Variants in MACROD2 observed in about 807,000 individuals in gnomAD.
MACROD2 encodes mono-ADP ribosylhydrolase 2, also known as ADP-ribose glycohydrolase MACROD2.
A neutral mutation model predicts 70.4 loss-of-function variants in MACROD2; 36 were observed. That is an observed-to-expected ratio of 0.51 (90% CI 0.39 to 0.68). The LOEUF (loss-of-function observed/expected upper bound fraction) is 0.68. Among genes scored for constraint, MACROD2 ranks in the 30% least tolerant of loss-of-function variants. The pLI is 0.00. For missense variants in MACROD2, 496 were observed against 538.4 expected (o/e 0.92, Z 0.78); for synonymous variants, 172 against 178.8 (o/e 0.96, Z 0.30).
chr20:14,554,565 TG>T (rs1408367921), intron 4 of MACROD2: 1 of 152,140 alleles, frequency 6.6e-6, no homozygotes, highest in African/African-American at 2.4e-5. Flanking sequence ...GACAGTAGTT[TG>T]GTCTTCAGGA....
At chr20:14,585,444 C>T (rs1981311506) in intron 4 of MACROD2, among the ~76,000 whole-genome samples, 1 of 151,958 alleles carries the variant, frequency 6.6e-6, no homozygotes, top group South Asian at 2.1e-4. Flanking sequence ...CTGAGGATAG[C>T]ATAAGAGGAA....
At chr20:16,024,647 A>G (rs1219081044) in intron 15 of MACROD2, among the ~76,000 whole-genome samples, 1 of 152,184 alleles carries the variant, frequency 6.6e-6, no homozygotes, top group African/African-American at 2.4e-5. Context: ...CAAATGATCA[A>G]TATTCTATTG....
At chr20:15,031,094 C>T (rs1334944270) in intron 5 of MACROD2, among the ~76,000 whole-genome samples, 1 of 152,190 alleles carries the variant, frequency 6.6e-6, no homozygotes, top group African/African-American at 2.4e-5. Flanking sequence ...TGTGGTGGGG[C>T]GGGCAGCACC....
chr20:15,814,459 A>G (rs2063852399), intron 8 of MACROD2, among the ~76,000 whole-genome samples: 1 of 152,158 alleles, frequency 6.6e-6, no homozygotes, highest in Non-Finnish European at 1.5e-5. Flanking sequence ...CTGTAGCAGT[A>G]AGCTCCAGTG....
intron 5 of MACROD2, among the ~76,000 whole-genome samples, chr20:14,957,968 T>A (rs2074551841): frequency 6.6e-6 from 1 of 152,156 alleles, no homozygotes; most frequent in African/African-American, 2.4e-5. Context: ...TTCTATTAGG[T>A]TGGTGCAAAA....
intron 3 of MACROD2, among the ~76,000 whole-genome samples, chr20:14,232,797 A>C (rs1300536032): frequency 1.3e-5 from 2 of 152,230 alleles, no homozygotes; most frequent in African/African-American, 4.8e-5. Flanking sequence ...TCCTTCAAGA[A>C]ATTTTCCTTT....
At chr20:15,485,697 G>T (rs139460482) in intron 7 of MACROD2, among the ~76,000 whole-genome samples, 2 of 152,002 alleles carry the variant, frequency 1.3e-5, no homozygotes, top group African/African-American at 4.8e-5. Flanking sequence ...CCTGTCATTC[G>T]TCAAACACTT....
At chr20:15,984,107 T>C (rs1391484689) in intron 13 of MACROD2, among the ~76,000 whole-genome samples, 2 of 134,188 alleles carry the variant, frequency 1.5e-5, no homozygotes, top group Non-Finnish European at 3.5e-5. Context: ...AAGGTAAGAT[T>C]TTATAGACTT....
At chr20:15,588,930 C>T (rs187857598) in intron 8 of MACROD2, among the ~76,000 whole-genome samples, 103 of 152,328 alleles carry the variant, frequency 6.8e-4, no homozygotes, top group Middle Eastern at 3.4e-3. Context: ...GTCGCTTCCA[C>T]ATTTTCAGTT....
intron 6 of MACROD2, among the ~76,000 whole-genome samples, chr20:15,343,069 C>T (rs2078127367): frequency 6.6e-6 from 1 of 152,146 alleles, no homozygotes; most frequent in Admixed American, 6.5e-5. Flanking sequence ...AGCCCAGATG[C>T]ACCTAGGAAT....
At chr20:15,385,087 G>A (rs1198506481) in intron 6 of MACROD2, among the ~76,000 whole-genome samples, 6 of 152,154 alleles carry the variant, frequency 3.9e-5, no homozygotes, top group South Asian at 2.1e-4. Context: ...CTTGAGAGTC[G>A]TATCTGAGGT....
intron 3 of MACROD2, among the ~76,000 whole-genome samples, chr20:14,200,054 A>G (rs549233487): frequency 6.6e-6 from 1 of 152,344 alleles, no homozygotes; most frequent in Non-Finnish European, 1.5e-5. Flanking sequence ...GCAGAAATTG[A>G]GAATTGAATT....
chr20:14,499,647 T>C (rs1180097604), intron 4 of MACROD2, among the ~76,000 whole-genome samples: 1 of 152,058 alleles, frequency 6.6e-6, no homozygotes, highest in Non-Finnish European at 1.5e-5. Context: ...GGAAGGTGGT[T>C]AGGGACCAGG....
At position 14,124,769 on chromosome 20, in the gene MACROD2, C is replaced by T. The variant is rs550487985; in HGVS notation, c.271+39041C>T. Among the ~76,000 whole-genome samples the T allele has an allele frequency of 8.4e-4, 128 of 152,130 alleles. 1 individual carries two copies. Among genetic ancestry groups the T allele is most frequent in the South Asian group, 1.7e-3 (8 of 4,812 alleles). ...TCAAAAAGTTAAATATAAACTTAAC[C>T]GTGGAATGACCCAGCCATTCCACTC... is the stretch of plus-strand genomic sequence containing the variant. On this transcript the variant is annotated intron_variant, in intron 3 of 17. Transcript: ENST00000684519.
chr20:15,934,107 A>C (rs2065621496), intron 11 of MACROD2, among the ~76,000 whole-genome samples: 1 of 152,194 alleles, frequency 6.6e-6, no homozygotes, highest in Non-Finnish European at 1.5e-5. Context: ...CAAAAAAATA[A>C]AAATAAAAAT....
intron 6 of MACROD2, among the ~76,000 whole-genome samples, chr20:15,426,268 T>C (rs6043271): frequency 0.053 from 8,035 of 151,962 alleles, 652 homozygotes; most frequent in African/African-American, 0.17. Context: ...TGTTGGGCTA[T>C]AAAAGTATTT....
chr20:14,606,555 T>C (rs1254498088), intron 4 of MACROD2, among the ~76,000 whole-genome samples: 3 of 152,186 alleles, frequency 2.0e-5, no homozygotes, highest in Non-Finnish European at 4.4e-5. Context: ...GATTCTGTGC[T>C]TACAGCAATA....
chr20:15,043,855 T>C (rs989505987), intron 5 of MACROD2, among the ~76,000 whole-genome samples: 1 of 152,116 alleles, frequency 6.6e-6, no homozygotes, highest in East Asian at 1.9e-4. Context: ...TTACTTAATA[T>C]GACCAATTTA....
chr20:14,220,958 A>G (rs2081668142), intron 3 of MACROD2, among the ~76,000 whole-genome samples: 1 of 152,084 alleles, frequency 6.6e-6, no homozygotes, highest in African/African-American at 2.4e-5. Context: ...TTTGCAGTCG[A>G]TCTGATGCTA....
Sources: gnomAD v4.1 joint callset for allele counts (sites outside exome capture counted in the v4.1 genomes callset) on GRCh38, gnomAD v4.1.1 for gene constraint, MANE v1.5 for transcripts, NCBI Gene and HGNC (gene_info 2026-07-23, HGNC 2026-07-21) for gene names.